MAML2: variants seen among roughly 807,000 people sequenced by gnomAD.
MAML2 encodes mastermind like transcriptional coactivator 2.
Under a neutral mutation model 96.1 loss-of-function variants are expected in MAML2, and 22 were observed. The ratio of observed to expected loss-of-function variants is 0.23; its 90% CI spans 0.16 to 0.33. The LOEUF (loss-of-function observed/expected upper bound fraction) is 0.33, where lower values mean the gene tolerates loss of function less well. Ranked by LOEUF, MAML2 falls within the 10% of genes least tolerant of loss-of-function variation. MAML2 has a pLI of 1.00. For missense variants in MAML2, 1,367 were observed against 1,392.4 expected (o/e 0.98, Z 0.29); for synonymous variants, 561 against 521.3 (o/e 1.08, Z -1.04).
chr11:96,088,868 G>A (rs55673744), intron 2 of MAML2, among the ~76,000 whole-genome samples: 1,999 of 152,248 alleles, frequency 0.013, 25 homozygotes, highest in Non-Finnish European at 0.02. Flanking sequence ...ATCTGTCTGG[G>A]TTCAGAGTTC....
intron 1 of MAML2, among the ~76,000 whole-genome samples, chr11:96,257,038 T>C (rs139454256): frequency 7.2e-5 from 11 of 152,298 alleles, no homozygotes; most frequent in African/African-American, 2.6e-4. Context: ...CTTGTAAAAA[T>C]ACAGTTTCCA....
At chr11:96,339,768 C>T (rs1235855772) in intron 1 of MAML2, among the ~76,000 whole-genome samples, 1 of 152,204 alleles carries the variant, frequency 6.6e-6, no homozygotes. Flanking sequence ...ACATACAAAC[C>T]TCATTCTTCT....
intron 1 of MAML2, among the ~76,000 whole-genome samples, chr11:96,106,821 A>G (rs889464715): frequency 1.3e-5 from 2 of 151,988 alleles, no homozygotes; most frequent in Non-Finnish European, 2.9e-5. Flanking sequence ...ACTCCCCCCT[A>G]CCCAAAACAT....
chr11:95,991,426 A>G, intron 3 of MAML2, 94 bp downstream of exon 3: 1 of 1,149,080 alleles, frequency 8.7e-7, no homozygotes, highest in Non-Finnish European at 1.3e-6. Flanking sequence ...TGTTGCTGTC[A>G]CGTAAGTAGG....
intron 2 of MAML2, among the ~76,000 whole-genome samples, chr11:96,052,497 G>C (rs1194649815): frequency 6.6e-6 from 1 of 152,148 alleles, no homozygotes; most frequent in African/African-American, 2.4e-5. Flanking sequence ...TGGACTTAAC[G>C]ACACCACTCT....
At chr11:96,340,802 C>A (rs568203256) in intron 1 of MAML2, among the ~76,000 whole-genome samples, 1 of 152,294 alleles carries the variant, frequency 6.6e-6, no homozygotes, top group East Asian at 1.9e-4. Context: ...CCTCCCTAGT[C>A]TCTCTTTGGG....
intron 1 of MAML2, among the ~76,000 whole-genome samples, chr11:96,235,148 T>A (rs1419219441): frequency 3.3e-5 from 5 of 152,192 alleles, no homozygotes; most frequent in African/African-American, 1.2e-4. Context: ...AGACCAAGTT[T>A]GGGATGTGGC....
intron 1 of MAML2, among the ~76,000 whole-genome samples, chr11:96,116,950 A>T (rs777693762): frequency 2.0e-5 from 3 of 152,356 alleles, no homozygotes; most frequent in Non-Finnish European, 2.9e-5. Context: ...ATCAGCAAGA[A>T]GTTAATGATT....
At chr11:96,241,877 T>C (rs1353711853) in intron 1 of MAML2, among the ~76,000 whole-genome samples, 1 of 151,062 alleles carries the variant, frequency 6.6e-6, no homozygotes, top group Admixed American at 6.6e-5. Context: ...TGAATTAGTT[T>C]GTTTGGTCTA....
chr11:96,169,040 T>G (rs1861239140), intron 1 of MAML2, among the ~76,000 whole-genome samples: 1 of 152,192 alleles, frequency 6.6e-6, no homozygotes, highest in Non-Finnish European at 1.5e-5. Flanking sequence ...AGCAGGCCAC[T>G]TTGCTTTTCT....
chr11:96,177,168 G>A (rs957804474), intron 1 of MAML2, among the ~76,000 whole-genome samples: 80 of 152,330 alleles, frequency 5.3e-4, no homozygotes, highest in African/African-American at 1.9e-3. Context: ...AACCATAAAA[G>A]TGAAGTCACC....
chr11:96,101,192 A>T (rs560603322), intron 1 of MAML2, among the ~76,000 whole-genome samples: 1 of 152,336 alleles, frequency 6.6e-6, no homozygotes, highest in African/African-American at 2.4e-5. Context: ...TTCAAAATTT[A>T]TTTGATGCCT....
At chr11:96,076,432 T>TCTCTCA (rs1220334761) in intron 2 of MAML2, among the ~76,000 whole-genome samples, 1 of 103,186 alleles carries the variant, frequency 9.7e-6, no homozygotes, top group African/African-American at 2.9e-5. Flanking sequence ...TCTCTCTCTC[T>TCTCTCA]CACACACACA....
chr11:96,304,799 G>C (rs527645443), intron 1 of MAML2, among the ~76,000 whole-genome samples: 1 of 152,152 alleles, frequency 6.6e-6, no homozygotes, highest in Non-Finnish European at 1.5e-5. Context: ...TTACACCACT[G>C]TGATTCAGGA....
chr11:96,187,276 C>T (rs1422359521), intron 1 of MAML2, among the ~76,000 whole-genome samples: 7 of 152,172 alleles, frequency 4.6e-5, no homozygotes, highest in African/African-American at 1.7e-4. Context: ...TTCCAGATTG[C>T]TGGTTTTCTC....
intron 2 of MAML2, among the ~76,000 whole-genome samples, chr11:96,075,476 A>G (rs1331343559): frequency 6.6e-6 from 1 of 152,176 alleles, no homozygotes; most frequent in Non-Finnish European, 1.5e-5. Context: ...CAGGGATTCT[A>G]TCTTCTCTAT....
chr11:96,306,767 C>T (rs1256679448), intron 1 of MAML2, among the ~76,000 whole-genome samples: 3 of 152,058 alleles, frequency 2.0e-5, no homozygotes, highest in Non-Finnish European at 2.9e-5. Context: ...CTAGCATTTG[C>T]GGGTGGAGTG....
chr11:95,978,323 T>C lies in MAML2; in HGVS notation c.*625A>G, dbSNP rs370683860. Reference sequence around the variant, plus strand: ...CACTAGACACAGCATCCCACTGAAGTAGAGGATTGTGGGAAAATTGTAAAA... The same window carrying C: ...CACTAGACACAGCATCCCACTGAAGCAGAGGATTGTGGGAAAATTGTAAAA... On this transcript the variant is annotated 3_prime_UTR_variant, in exon 5 of 5. Transcript: ENST00000524717. 6 of 198,376 alleles carry C rather than the reference T, an allele frequency of 3.0e-5. No individual in the cohort carries two copies. The East Asian group carries it at 4.7e-4, about 16-fold the overall frequency. The allele number at this position is 198,376 out of a possible 1,614,324, so 12.3% of individuals were successfully genotyped here.
At chr11:95,995,497 G>A (rs1367261385) in intron 2 of MAML2, among the ~76,000 whole-genome samples, 1 of 152,212 alleles carries the variant, frequency 6.6e-6, no homozygotes, top group South Asian at 2.1e-4. Context: ...GCAACATAAA[G>A]GTAATACATT....
Sources: gnomAD v4.1 joint callset for allele counts (sites outside exome capture counted in the v4.1 genomes callset) on GRCh38, gnomAD v4.1.1 for gene constraint, MANE v1.5 for transcripts, NCBI Gene and HGNC (gene_info 2026-07-23, HGNC 2026-07-21) for gene names.